Variants in TMEM17 observed in about 807,000 individuals in gnomAD.
TMEM17 encodes transmembrane protein 17.
Under a neutral mutation model 19.1 loss-of-function variants are expected in TMEM17, and 15 were observed. That is an observed-to-expected ratio of 0.78 (90% confidence interval 0.52 to 1.21). The LOEUF (loss-of-function observed/expected upper bound fraction) is 1.21, where lower values mean the gene tolerates loss of function less well. TMEM17 is among the 50% of genes most tolerant of loss of function. TMEM17 has a pLI of 0.00. For missense variants in TMEM17, 245 were observed against 242.3 expected, an observed-to-expected ratio of 1.01 and a Z score of -0.07; for synonymous variants, 103 against 86.9, an observed-to-expected ratio of 1.19 and a Z score of -1.03.
downstream of TMEM17, among the ~76,000 whole-genome samples, chr2:62,499,470 G>A (rs1679863251): frequency 6.6e-6 from 1 of 152,124 alleles, no homozygotes; most frequent in African/African-American, 2.4e-5. Flanking sequence ...AAATTATTAA[G>A]AGTAAAACTG....
chr2:62,464,817 T>A, the TMEM17 span, among the ~76,000 whole-genome samples: 5 of 152,068 alleles, frequency 3.3e-5, no homozygotes, highest in Non-Finnish European at 7.4e-5. Flanking sequence ...CATAGGGAGT[T>A]GAAGCTATCT....
chr2:62,471,572 G>T, the TMEM17 span, among the ~76,000 whole-genome samples: 5 of 152,356 alleles, frequency 3.3e-5, 1 homozygote, highest in African/African-American at 1.2e-4. Flanking sequence ...TAGGGCTGGG[G>T]AGTTTAATCT....
At chr2:62,489,729 A>G in the TMEM17 span, among the ~76,000 whole-genome samples, 1 of 152,234 alleles carries the variant, frequency 6.6e-6, no homozygotes, top group Non-Finnish European at 1.5e-5. Context: ...AGGCGTTACT[A>G]AAATGTTGTG....
the TMEM17 span, among the ~76,000 whole-genome samples, chr2:62,470,211 G>A: frequency 2.0e-5 from 3 of 152,288 alleles, no homozygotes; most frequent in African/African-American, 4.8e-5. Context: ...TGTATTATGA[G>A]CACTTCTCTC....
At chr2:62,483,146 A>C in the TMEM17 span, among the ~76,000 whole-genome samples, 1 of 152,252 alleles carries the variant, frequency 6.6e-6, no homozygotes, top group East Asian at 1.9e-4. Context: ...GGGCTGTCTG[A>C]TTCCAAAGTG....
the TMEM17 span, among the ~76,000 whole-genome samples, chr2:62,468,491 TCCTGACTTGAG>T: frequency 6.6e-6 from 1 of 152,148 alleles, no homozygotes; most frequent in African/African-American, 2.4e-5. Flanking sequence ...ACAGTTGGGG[TCCTGACTTGAG>T]CTGTTGATGT....
chr2:62,465,845 C>G, the TMEM17 span, among the ~76,000 whole-genome samples: 1 of 152,090 alleles, frequency 6.6e-6, no homozygotes, highest in Non-Finnish European at 1.5e-5. Flanking sequence ...TGGAAAGGTA[C>G]CCAGTACGTT....
chr2:62,468,118 T>A, the TMEM17 span, among the ~76,000 whole-genome samples: 1 of 151,984 alleles, frequency 6.6e-6, no homozygotes, highest in Non-Finnish European at 1.5e-5. Context: ...TGATTCCCTT[T>A]CCCTCCTCTA....
chr2:62,490,341 G>A, the TMEM17 span, among the ~76,000 whole-genome samples: 3 of 152,154 alleles, frequency 2.0e-5, no homozygotes, highest in East Asian at 1.9e-4. Flanking sequence ...CTGGCTGACC[G>A]CAGCCTCAAC....
chr2:62,489,367 A>G, the TMEM17 span, among the ~76,000 whole-genome samples: 1 of 152,094 alleles, frequency 6.6e-6, no homozygotes, highest in African/African-American at 2.4e-5. Flanking sequence ...GTGCATTCAG[A>G]TATGCTCTTG....
At chr2:62,505,211 A>G (rs1680034060) in intron 1 of TMEM17, among the ~76,000 whole-genome samples, 1 of 152,198 alleles carries the variant, frequency 6.6e-6, no homozygotes, top group Non-Finnish European at 1.5e-5. Context: ...GAATGATGAA[A>G]ACCACATGGG....
At chr2:62,465,610 ACT>A in the TMEM17 span, among the ~76,000 whole-genome samples, 11 of 150,130 alleles carry the variant, frequency 7.3e-5, no homozygotes, top group African/African-American at 1.5e-4. Flanking sequence ...AAAAAAAAAG[ACT>A]CAGCATTTTG....
chr2:62,495,112 C>T, the TMEM17 span, among the ~76,000 whole-genome samples: 1 of 152,320 alleles, frequency 6.6e-6, no homozygotes, highest in East Asian at 1.9e-4. Context: ...GTACATCTTA[C>T]TAGATTAAAA....
At chr2:62,454,475 T>A in the TMEM17 span, among the ~76,000 whole-genome samples, 2 of 152,114 alleles carry the variant, frequency 1.3e-5, no homozygotes, top group Admixed American at 1.3e-4. Context: ...ACAATATAGC[T>A]GCGGTACAGG....
At chr2:62,479,527 G>A in the TMEM17 span, among the ~76,000 whole-genome samples, 2 of 152,124 alleles carry the variant, frequency 1.3e-5, no homozygotes, top group African/African-American at 2.4e-5. Flanking sequence ...ATTGTGAATA[G>A]TGCTGCAATA....
At position 62,501,269 on chromosome 2, in the gene TMEM17, G is replaced by C. The variant is rs1679920155; in HGVS notation, c.537C>G (p.Asp179Glu). 3.7e-6 allele frequency: 6 copies of C among 1,614,178 alleles called. No homozygotes were observed. Among genetic ancestry groups the C allele is most frequent in the Admixed American group, 1.7e-5 (1 of 60,018 alleles). ...LAVRFHLQDF[D>E]RLSANRGDMR... ...TGTCTCCTCTGTTTGCAGAGAGCCG[G>C]TCAAAGTCTTGGAGGTGGAAACGAA... Residue 179 changes from aspartate to glutamate, a missense_variant, in exon 4 of 4, where the codon GAC becomes GAG. Coordinates refer to ENST00000335390, the MANE Select transcript of TMEM17 (RefSeq NM_198276.3).
At chr2:62,485,056 G>T in the TMEM17 span, among the ~76,000 whole-genome samples, 1 of 152,218 alleles carries the variant, frequency 6.6e-6, no homozygotes, top group African/African-American at 2.4e-5. Flanking sequence ...TCCCACCCTA[G>T]CCTCCTGAGT....
Position 62,501,383 on chromosome 2 carries a change from T to C in TMEM17, c.423A>G (p.Lys141=), listed in dbSNP as rs771271600. ...NEGLTNLPLE[K]AIHIIFTLFL... ...AGAGAGTGAAGATGATATGTATCGC[T>C]TTTTCCAAGGGCAGATTTGTTAGGC... Residue 141 remains lysine, a synonymous_variant, in exon 4 of 4, where the codon AAA becomes AAG. Transcript: ENST00000335390. 1.9e-6 allele frequency: 3 copies of C among 1,614,190 alleles called. No homozygotes were observed. Among genetic ancestry groups the C allele is most frequent in the East Asian group, 4.5e-5 (2 of 44,876 alleles).
the TMEM17 span, among the ~76,000 whole-genome samples, chr2:62,495,116 AT>A: frequency 6.6e-6 from 1 of 152,270 alleles, no homozygotes; most frequent in South Asian, 2.1e-4. Context: ...ATCTTACTAG[AT>A]TAAAAAGCTC....
Sources: allele counts gnomAD v4.1 joint callset (sites outside exome capture counted in the v4.1 genomes callset), GRCh38; gene constraint gnomAD v4.1.1; transcripts MANE v1.5; gene names NCBI Gene and HGNC (gene_info 2026-07-23, HGNC 2026-07-21).